DNAH10: variants seen among roughly 807,000 people sequenced by gnomAD.
DNAH10 encodes dynein axonemal heavy chain 10.
In DNAH10, 348 loss-of-function variants were observed where a neutral mutation model predicts 506.6. The observed-to-expected ratio is 0.69, with a 90% CI of 0.63 to 0.75. The LOEUF (loss-of-function observed/expected upper bound fraction) is 0.75. Among genes scored for constraint, DNAH10 ranks in the 30% least tolerant of loss-of-function variants. The pLI is 0.00. For missense variants in DNAH10, 5,179 were observed against 5,787.1 expected (o/e 0.89, Z 3.41); for synonymous variants, 2,059 against 2,198.6 (o/e 0.94, Z 1.78).
intron 49 of DNAH10, 48 bp from the exon 50 acceptor site, chr12:123,879,586 C>T (rs748756804): frequency 3.1e-6 from 5 of 1,609,044 alleles, no homozygotes; most frequent in African/African-American, 1.3e-5. Flanking sequence ...AGTTTCAGGC[C>T]GTGTACTGTT....
Position 123,917,851 on chromosome 12 carries a change from G to A in DNAH10, c.11232+38G>A. 6.5e-7 allele frequency: 1 copy of A among 1,545,034 alleles called. No individual in the cohort carries two copies. The highest frequency in any genetic ancestry group is 1.2e-5 in the South Asian group (1 of 83,940). Reference sequence around the variant, plus strand: ...GTGGAAGAGGCCGTGAGTCAGGCGGGGCCTGCATGCGCCGTTGGAGCGTCC... The same window carrying A: ...GTGGAAGAGGCCGTGAGTCAGGCGGAGCCTGCATGCGCCGTTGGAGCGTCC... On this transcript the variant is annotated intron_variant, in intron 64 of 78. Coordinates refer to ENST00000673944, the MANE Select transcript of DNAH10 (RefSeq NM_001372106.1). This position sits in a 1 kb window ranked among gnomAD's most constrained non-coding sequence, Gnocchi z 5.6.
intron 29 of DNAH10, 68 bp from the exon 30 acceptor site, chr12:123,841,254 A>G (rs1233903709): frequency 2.0e-6 from 3 of 1,529,816 alleles, no homozygotes; most frequent in Non-Finnish European, 2.7e-6. Flanking sequence ...TGGATGGAGC[A>G]CCGCTGGCTG....
intron 6 of DNAH10, among the ~76,000 whole-genome samples, chr12:123,782,147 T>C (rs2136023290): frequency 6.6e-6 from 1 of 152,286 alleles, no homozygotes; most frequent in South Asian, 2.1e-4. Flanking sequence ...ACTTCTATGT[T>C]ACCAACGTTT....
At chr12:123,809,817 G>A (rs1391547425) in intron 19 of DNAH10, among the ~76,000 whole-genome samples, 1 of 152,108 alleles carries the variant, frequency 6.6e-6, no homozygotes, top group Non-Finnish European at 1.5e-5. Context: ...TCTGATCTCA[G>A]TCCTACGAGG....
chr12:123,891,026 A>G (rs1411926915), intron 52 of DNAH10, among the ~76,000 whole-genome samples: 1 of 152,158 alleles, frequency 6.6e-6, no homozygotes. Flanking sequence ...GCTTAAAACA[A>G]TAGAAATCTA....
At chr12:123,900,957 C>T (rs1302073073) in intron 56 of DNAH10, among the ~76,000 whole-genome samples, 1 of 152,198 alleles carries the variant, frequency 6.6e-6, no homozygotes, top group African/African-American at 2.4e-5. Flanking sequence ...AGATTTGGGT[C>T]ACATGCCCAT....
Position 123,902,122 on chromosome 12 carries a change from C to T in DNAH10, c.9641-817C>T, listed in dbSNP as rs1182838306. 6.6e-6 allele frequency among the ~76,000 whole-genome samples: 1 copy of T among 152,186 alleles called. No homozygotes were observed. Among genetic ancestry groups the T allele is most frequent in the Non-Finnish European group, 1.5e-5 (1 of 68,036 alleles). On this transcript the variant is annotated intron_variant, in intron 56 of 78. Coordinates refer to ENST00000673944, the MANE Select transcript of DNAH10 (RefSeq NM_001372106.1). The surrounding 1 kb of genome is among the most constrained non-coding windows in gnomAD (Gnocchi z 4.5). ...TAGCTTAGCTTATAAATGCACCACT[C>T]CAGCGTCTGTCTCCATTGCCACACG...
In DNAH10 at chr12:123,790,073, C is replaced by T. The variant is rs777920901; in HGVS notation, c.1767C>T (p.Ser589=). The change falls in exon 11 of 79, where the codon TCC becomes TCT. Residue 589 remains serine (S), a synonymous_variant. Coordinates refer to ENST00000673944, the MANE Select transcript of DNAH10 (RefSeq NM_001372106.1). ...CCTTTGACCCCTTCAGCATCAAGTC[C>T]TCCCAGTTCTGGAAATATGTGATGG... ...NLTFDPFSIK[S]SQFWKYVMDE... 1.9e-6 allele frequency: 3 copies of T among 1,614,146 alleles called. No homozygotes were observed. The South Asian group carries it at 3.3e-5, about 18-fold the overall frequency.
At chr12:123,824,025 G>A (rs941962214) in intron 24 of DNAH10, among the ~76,000 whole-genome samples, 7 of 152,126 alleles carry the variant, frequency 4.6e-5, no homozygotes, top group African/African-American at 1.7e-4. Flanking sequence ...TTTCAAAGTT[G>A]TGTGCTGAGA....
At chr12:123,832,368 G>A (rs7965847) in intron 26 of DNAH10, among the ~76,000 whole-genome samples, 72,131 of 151,980 alleles carry the variant, frequency 0.47, 18,719 homozygotes, top group African/African-American at 0.66. Context: ...ACAATGTTCA[G>A]TGTACCCAAT....
intron 54 of DNAH10, among the ~76,000 whole-genome samples, chr12:123,896,142 CACACACAGAGAGAGAG>C (rs1233524409): frequency 9.7e-5 from 11 of 113,714 alleles, no homozygotes; most frequent in African/African-American, 4.8e-4. Flanking sequence ...CACACACACA[CACACACAGAGAGAGAG>C]AGAGAGAGAG....
chr12:123,794,387 T>TA (rs1183582085), intron 12 of DNAH10, among the ~76,000 whole-genome samples: 3 of 152,252 alleles, frequency 2.0e-5, no homozygotes, highest in African/African-American at 7.2e-5. Context: ...TAATCATAGT[T>TA]AACCATGTCC....
Position 123,918,960 on chromosome 12 carries a change from C to G in DNAH10, c.11506+11C>G, listed in dbSNP as rs1407197719. 6.3e-7 allele frequency: 1 copy of G among 1,597,242 alleles called. No homozygotes were observed. Among genetic ancestry groups the G allele is most frequent in the Admixed American group, 1.7e-5 (1 of 59,470 alleles). ...ACCACGGCTGCACAGGTGAGCTCTC[C>G]CCACAGAGGAGGACATGTTAGTGTA... is the stretch of plus-strand genomic sequence containing the variant. On this transcript the variant is annotated intron_variant, in intron 65 of 78. Coordinates refer to ENST00000673944, the MANE Select transcript of DNAH10 (RefSeq NM_001372106.1).
chr12:123,910,962 T>C (rs1954040345), intron 59 of DNAH10, among the ~76,000 whole-genome samples: 1 of 151,852 alleles, frequency 6.6e-6, no homozygotes, highest in Non-Finnish European at 1.5e-5. Context: ...ATCCAGCACT[T>C]TGGAAGGCCC....
chr12:123,914,750 TG>T, intron 61 of DNAH10, 101 bp from the exon 62 acceptor site: 2 of 1,485,412 alleles, frequency 1.3e-6, no homozygotes, highest in South Asian at 2.7e-5. Context: ...TTGTGTGGCC[TG>T]GGGATGGGTA....
chr12:123,898,829 G>A lies in DNAH10; in HGVS notation c.9640+15G>A, dbSNP rs773868526. The A allele has an allele frequency of 4.4e-6, 7 of 1,591,152 alleles. No individual in the cohort carries two copies. Among genetic ancestry groups the A allele is most frequent in the Non-Finnish European group, 5.1e-6 (6 of 1,167,702 alleles). ...CACCGCTGTAGGTGAGTGAGGGCGG[G>A]GCCAGGGCAGCCCATCCCCAACACC... On this transcript the variant is annotated intron_variant, in intron 56 of 78. Coordinates refer to ENST00000673944, the MANE Select transcript of DNAH10 (RefSeq NM_001372106.1).
In DNAH10 at chr12:123,917,606, C is replaced by G; in HGVS notation, c.11025C>G (p.Asp3675Glu). The G allele has an allele frequency of 6.4e-7, 1 of 1,551,518 alleles. No homozygotes were observed. Among genetic ancestry groups the G allele is most frequent in the Non-Finnish European group, 8.7e-7 (1 of 1,147,018 alleles). Residue 3675 changes from aspartate (D) to glutamate (E), a missense_variant, in exon 64 of 79, where the codon GAC becomes GAG. By Grantham distance (45) the Asp-to-Glu change is conservative. Around this residue, in one of 3 missense-constraint regions of DNAH10, gnomAD observed 4,844 missense variants for 5,430.5 expected, o/e 0.89. Coordinates refer to ENST00000673944, the MANE Select transcript of DNAH10 (RefSeq NM_001372106.1). The surrounding 1 kb of genome is among the most constrained non-coding windows in gnomAD (Gnocchi z 5.6). ...NYTVTLKGLEDQLLSVLVAYE... is the reference protein window; with the variant it reads ...NYTVTLKGLEEQLLSVLVAYE... The stretch of plus-strand genomic sequence containing the variant: ...CAGTCACGCTGAAGGGCCTGGAGGA[C>G]CAGCTGCTGAGCGTGCTGGTGGCTT...
At chr12:123,896,109 T>TCACACACACACA (rs1246819591) in intron 54 of DNAH10, among the ~76,000 whole-genome samples, 1 of 39,416 alleles carries the variant, frequency 2.5e-5, no homozygotes, top group African/African-American at 8.6e-5. Context: ...TGAGACTTTA[T>TCACACACACACA]CTCACACACA....
Position 123,877,757 on chromosome 12 carries a change from G to A in DNAH10, c.8221G>A (p.Ala2741Thr). The A allele has an allele frequency of 6.2e-7, 1 of 1,613,648 alleles. No individual in the cohort carries two copies. The highest frequency in any genetic ancestry group is 8.5e-7 in the Non-Finnish European group (1 of 1,179,750). Residue 2741 changes from alanine to threonine, a missense_variant, in exon 48 of 79, where the codon GCT becomes ACT. By Grantham distance (58) the Ala-to-Thr change is moderately conservative. Around this residue, in one of 3 missense-constraint regions of DNAH10, gnomAD observed 4,844 missense variants for 5,430.5 expected, o/e 0.89. Transcript: ENST00000673944. Reference sequence around the variant, plus strand: ...TCAGACGTTTCATGAGAGCATTGTGGCTGTGAGTGGCAAGCTGACATTCTG... The same window carrying A: ...TCAGACGTTTCATGAGAGCATTGTGACTGTGAGTGGCAAGCTGACATTCTG... Reference protein sequence around the residue: ...HTSTFHESIVAVSGKLTFCTL... With the variant: ...HTSTFHESIVTVSGKLTFCTL...
Sources: allele counts gnomAD v4.1 joint callset (sites outside exome capture counted in the v4.1 genomes callset), GRCh38; gene constraint gnomAD v4.1.1; regional missense constraint gnomAD v4.1.1; non-coding constraint Gnocchi (gnomAD v3.1); transcripts MANE v1.5; gene names NCBI Gene and HGNC (gene_info 2026-07-23, HGNC 2026-07-21).